Variants in NARS2 observed in about 807,000 individuals in gnomAD.
The protein encoded by NARS2 is asparaginyl-tRNA synthetase.
Under a neutral mutation model 62.9 loss-of-function variants are expected in NARS2, and 60 were observed. That is an observed-to-expected ratio of 0.95 (90% CI 0.77 to 1.18). NARS2 has a LOEUF of 1.18. Ranked by LOEUF, NARS2 falls within the 50% of genes most tolerant of loss-of-function variation. The probability of loss-of-function intolerance (pLI) is 0.00; values close to 1 mark genes in which losing one functional copy is unlikely to be tolerated. For missense variants in NARS2, 619 were observed against 576.4 expected (o/e 1.07, Z -0.76); for synonymous variants, 196 against 200.0 (o/e 0.98, Z 0.17).
chr11:78,526,734 A>G (rs1023562959), intron 6 of NARS2, among the ~76,000 whole-genome samples: 6 of 152,110 alleles, frequency 3.9e-5, no homozygotes, highest in Non-Finnish European at 7.4e-5. Flanking sequence ...TATTTAATAC[A>G]CTAGTGGTAT....
intron 7 of NARS2, among the ~76,000 whole-genome samples, chr11:78,491,988 C>A (rs568736561): frequency 6.6e-6 from 1 of 151,996 alleles, no homozygotes; most frequent in South Asian, 2.1e-4. Flanking sequence ...CAAATCCAAA[C>A]TAAGATAGTA....
At chr11:78,551,898 T>C (rs903773742) in intron 5 of NARS2, among the ~76,000 whole-genome samples, 4 of 152,116 alleles carry the variant, frequency 2.6e-5, no homozygotes, top group Admixed American at 2.0e-4. Flanking sequence ...AAAACAACCC[T>C]GCTCCATCTC....
intron 11 of NARS2, among the ~76,000 whole-genome samples, chr11:78,451,430 A>G (rs915023377): frequency 1.1e-4 from 17 of 152,220 alleles, no homozygotes; most frequent in African/African-American, 4.1e-4. Flanking sequence ...CAATTACACA[A>G]ATTTCTTGGA....
chr11:78,449,137 T>TG (rs949986214), intron 11 of NARS2, among the ~76,000 whole-genome samples: 19 of 144,804 alleles, frequency 1.3e-4, no homozygotes, highest in African/African-American at 4.7e-4. Flanking sequence ...AAAAATGTTT[T>TG]TTTTTTTTTT....
At chr11:78,529,154 A>G (rs1047024768) in intron 5 of NARS2, among the ~76,000 whole-genome samples, 1 of 152,216 alleles carries the variant, frequency 6.6e-6, no homozygotes, top group Non-Finnish European at 1.5e-5. Context: ...TTCAAAACAT[A>G]CAATAACCAA....
chr11:78,529,270 A>C (rs1219437399), intron 5 of NARS2, among the ~76,000 whole-genome samples: 2 of 152,248 alleles, frequency 1.3e-5, no homozygotes, highest in African/African-American at 4.8e-5. Context: ...AATGTGAAGA[A>C]TTACATAACC....
intron 9 of NARS2, among the ~76,000 whole-genome samples, chr11:78,473,848 A>G (rs188117720): frequency 2.0e-5 from 3 of 152,296 alleles, no homozygotes; most frequent in Admixed American, 1.3e-4. Flanking sequence ...CTTTGTGTGT[A>G]TATCTGTGCA....
At chr11:78,461,372 G>T (rs1190039532) in intron 11 of NARS2, among the ~76,000 whole-genome samples, 1 of 151,956 alleles carries the variant, frequency 6.6e-6, no homozygotes, top group Non-Finnish European at 1.5e-5. Flanking sequence ...GAAAAACAGG[G>T]ATAATGTGAT....
In NARS2 at chr11:78,443,709, C is replaced by A. The variant is rs1264913965; in HGVS notation, c.1214G>T (p.Gly405Val). The A allele has an allele frequency of 6.2e-7, 1 of 1,613,922 alleles. No individual in the cohort carries two copies. Among genetic ancestry groups the A allele is most frequent in the Non-Finnish European group, 8.5e-7 (1 of 1,179,886 alleles). The part of the protein sequence containing the change: ...LVPGVGELFG[G>V]GLREERYHFL... ...ATGGTATCGTTCTTCTCTGAGGCCT[C>A]CTCCAAAGAGTTCCCCAACTCCAGG... The change falls in exon 12 of 14, where the codon GGA becomes GTA. Residue 405 changes from glycine to valine, a missense_variant. Coordinates refer to ENST00000281038, the MANE Select transcript of NARS2 (RefSeq NM_024678.6).
intron 7 of NARS2, among the ~76,000 whole-genome samples, chr11:78,492,862 G>C (rs1204570397): frequency 6.6e-6 from 1 of 152,168 alleles, no homozygotes; most frequent in Admixed American, 6.5e-5. Flanking sequence ...GCTAATGGCA[G>C]AGCTGGGATA....
chr11:78,499,728 C>A (rs533125656), intron 6 of NARS2, among the ~76,000 whole-genome samples: 9 of 152,238 alleles, frequency 5.9e-5, no homozygotes, highest in African/African-American at 2.2e-4. Context: ...GTAAACACAG[C>A]AGTATATGAT....
At position 78,568,696 on chromosome 11, in the gene NARS2, G is replaced by A. The variant is rs1389705886; in HGVS notation, c.308C>T (p.Ser103Phe). 1 of 1,612,618 alleles carries A rather than the reference G, an allele frequency of 6.2e-7. No individual in the cohort carries two copies. The highest frequency in any genetic ancestry group is 1.1e-5 in the South Asian group (1 of 90,890). The change falls in exon 3 of 14, where the codon TCC becomes TTC. Residue 103 changes from serine to phenylalanine, a missense_variant. Ser to Phe is a radical substitution (Grantham distance 155). Coordinates refer to ENST00000281038, the MANE Select transcript of NARS2 (RefSeq NM_024678.6). ...EVQGQLIKSPSKRQNVELKAE... is the reference protein window; with the variant it reads ...EVQGQLIKSPFKRQNVELKAE... ...CTTCAGTTCCACATTTTGCCTTTTG[G>A]ATGGACTTTTTATCAGCTGCCCTTG...
At chr11:78,460,586 T>G (rs559326830) in intron 11 of NARS2, among the ~76,000 whole-genome samples, 58 of 152,180 alleles carry the variant, frequency 3.8e-4, no homozygotes, top group Non-Finnish European at 6.8e-4. Context: ...AGCGCAAAAC[T>G]GACAGAACTT....
intron 7 of NARS2, among the ~76,000 whole-genome samples, chr11:78,480,889 G>A (rs2135274907): frequency 6.6e-6 from 1 of 151,736 alleles, no homozygotes; most frequent in East Asian, 1.9e-4. Flanking sequence ...TGCCATCTCA[G>A]CCCACTGCAG....
intron 6 of NARS2, among the ~76,000 whole-genome samples, chr11:78,512,780 T>A (rs1860764399): frequency 6.6e-6 from 1 of 152,184 alleles, no homozygotes. Flanking sequence ...TTTAAAATTT[T>A]TTAAATATTT....
At chr11:78,490,018 G>A (rs993668799) in intron 7 of NARS2, among the ~76,000 whole-genome samples, 1 of 152,110 alleles carries the variant, frequency 6.6e-6, no homozygotes, top group African/African-American at 2.4e-5. Flanking sequence ...CAGCCTAGGT[G>A]ACAGAGTGAG....
intron 7 of NARS2, among the ~76,000 whole-genome samples, chr11:78,482,789 C>T (rs1402378867): frequency 6.6e-6 from 1 of 152,154 alleles, no homozygotes; most frequent in Admixed American, 6.5e-5. Flanking sequence ...CAGACAGATT[C>T]ACAGCCAAAT....
intron 9 of NARS2, among the ~76,000 whole-genome samples, chr11:78,475,524 CA>C (rs1313278616): frequency 1.3e-5 from 2 of 149,748 alleles, no homozygotes; most frequent in South Asian, 4.3e-4. Context: ...TTGCCACTAA[CA>C]GTTATAAAAG....
At chr11:78,473,635 A>AG (rs1179042080) in intron 9 of NARS2, among the ~76,000 whole-genome samples, 2 of 152,226 alleles carry the variant, frequency 1.3e-5, no homozygotes, top group African/African-American at 4.8e-5. Flanking sequence ...TTCAAACTCT[A>AG]GGCTCACTTA....
Sources: allele counts gnomAD v4.1 joint callset (sites outside exome capture counted in the v4.1 genomes callset), GRCh38; gene constraint gnomAD v4.1.1; transcripts MANE v1.5; gene names NCBI Gene and HGNC (gene_info 2026-07-23, HGNC 2026-07-21).